The following MAST2 variants were observed in gnomAD, a reference collection of about 807,000 sequenced individuals.
MAST2 encodes the protein microtubule-associated serine/threonine-protein kinase 2.
Under a neutral mutation model 147.4 loss-of-function variants are expected in MAST2, and 70 were observed. The observed-to-expected ratio is 0.47, with a 90% confidence interval of 0.39 to 0.58. The LOEUF (loss-of-function observed/expected upper bound fraction) is 0.58, where lower values mean the gene tolerates loss of function less well. Ranked by LOEUF, MAST2 falls within the 20% of genes least tolerant of loss-of-function variation. The pLI is 0.00. For missense variants in MAST2, 2,080 were observed against 2,302.3 expected, an observed-to-expected ratio of 0.90 and a Z score of 1.98; for synonymous variants, 869 against 896.8, an observed-to-expected ratio of 0.97 and a Z score of 0.55.
In MAST2 at chr1:46,029,241, A is replaced by G. The variant is rs1469879705; in HGVS notation, c.2219-225A>G. The G allele has an allele frequency of 2.2e-5, 12 of 553,806 alleles. No individual in the cohort carries two copies. The South Asian group carries it at 3.1e-4, about 14-fold the overall frequency. The allele number at this position is 553,806 out of a possible 1,614,324, so 34.3% of individuals were successfully genotyped here. A position where few individuals can be genotyped will look rare whatever the true frequency, so the allele number is the denominator to read the frequency against. On this transcript the variant is annotated intron_variant, in intron 18 of 28. Coordinates refer to ENST00000361297, the MANE Select transcript of MAST2 (RefSeq NM_015112.3). ...CGTCTGTGTATGTTTTGTGGAGTATAAAAGCAGGGTGAGCTAGAGCTTTGC... is the reference window on the plus strand; with the variant it reads ...CGTCTGTGTATGTTTTGTGGAGTATGAAAGCAGGGTGAGCTAGAGCTTTGC...
chr1:46,001,075 G>A, intron 6 of MAST2: 2 of 995,982 alleles, frequency 2.0e-6, no homozygotes, highest in South Asian at 2.7e-5. Context: ...AACTGGTTGT[G>A]ATGATTCTTC....
chr1:45,834,736 G>A (rs1469898976), intron 3 of MAST2, among the ~76,000 whole-genome samples: 1 of 152,086 alleles, frequency 6.6e-6, no homozygotes, highest in Non-Finnish European at 1.5e-5. Context: ...AAACATACTG[G>A]AGCCTATGTT....
At chr1:45,851,691 T>C (rs1645628228) in intron 3 of MAST2, among the ~76,000 whole-genome samples, 1 of 152,182 alleles carries the variant, frequency 6.6e-6, no homozygotes, top group Non-Finnish European at 1.5e-5. Flanking sequence ...GTGGATTTTA[T>C]TGAAAGCTTT....
intron 16 of MAST2, 28 bp downstream of exon 16, chr1:46,025,843 C>G: frequency 6.2e-7 from 1 of 1,613,942 alleles, no homozygotes; most frequent in Non-Finnish European, 8.5e-7. Flanking sequence ...GTCCCTTGTC[C>G]AGGGTCTCCC....
intron 5 of MAST2, among the ~76,000 whole-genome samples, chr1:45,982,389 A>G (rs1421129018): frequency 3.9e-5 from 6 of 152,332 alleles, no homozygotes; most frequent in African/African-American, 1.4e-4. Context: ...GGGACTGATC[A>G]CAAGAAAGAC....
chr1:45,866,044 G>C (rs907606060), intron 3 of MAST2, among the ~76,000 whole-genome samples: 5 of 152,020 alleles, frequency 3.3e-5, no homozygotes, highest in African/African-American at 1.2e-4. Context: ...AATACCTAAG[G>C]ATTTTAAAAT....
intron 4 of MAST2, among the ~76,000 whole-genome samples, chr1:45,925,381 G>A (rs578238587): frequency 6.6e-6 from 1 of 152,192 alleles, no homozygotes; most frequent in East Asian, 1.9e-4. Flanking sequence ...TGTGATTTGG[G>A]TTAAATTAAA....
intron 5 of MAST2, among the ~76,000 whole-genome samples, chr1:45,964,808 G>A (rs1419334279): frequency 2.0e-5 from 3 of 152,116 alleles, no homozygotes; most frequent in African/African-American, 4.8e-5. Flanking sequence ...TAATTGTGAT[G>A]TTAGGGTGTC....
intron 12 of MAST2, 109 bp from the exon 13 acceptor site, chr1:46,022,801 G>A: frequency 1.2e-6 from 1 of 820,156 alleles, no homozygotes; most frequent in South Asian, 1.4e-5. Flanking sequence ...CTAGGCTGAT[G>A]CAAAAAGCAT....
intron 11 of MAST2, among the ~76,000 whole-genome samples, chr1:46,020,510 G>A (rs371362567): frequency 5.3e-5 from 8 of 152,090 alleles, no homozygotes; most frequent in East Asian, 1.9e-4. Flanking sequence ...TGACATGGCC[G>A]CATTTACTTT....
chr1:46,007,118 A>C (rs1645519091), intron 8 of MAST2, among the ~76,000 whole-genome samples: 1 of 152,200 alleles, frequency 6.6e-6, no homozygotes, highest in Non-Finnish European at 1.5e-5. Flanking sequence ...CCAGAATTTT[A>C]GGTTAAGGAA....
In MAST2 at chr1:46,034,941, T is replaced by TTC. The variant is rs1646839786; in HGVS notation, c.4275_4276dup (p.Arg1426LeufsTer13). The stretch of plus-strand genomic sequence containing the variant: ...CCGCCTCTGAGAAGAAGCTAGCCAC[T>TTC]TCTCGCAAGCACAGCCTTGACCTGC... On this transcript the variant is annotated frameshift_variant, in exon 29 of 29. Transcript: ENST00000361297. LOFTEE classifies it low-confidence loss of function (END_TRUNC). 1 of 1,613,804 alleles carries TTC rather than the reference T, an allele frequency of 6.2e-7. No individual in the cohort carries two copies. The highest frequency in any genetic ancestry group is 8.5e-7 in the Non-Finnish European group (1 of 1,179,990).
chr1:45,882,321 A>C, intron 3 of MAST2, 43 bp from the exon 4 acceptor site: 1 of 1,487,584 alleles, frequency 6.7e-7, no homozygotes, highest in Non-Finnish European at 9.4e-7. Flanking sequence ...AACAGGACTC[A>C]GATGGGTTCT....
intron 4 of MAST2, among the ~76,000 whole-genome samples, chr1:45,944,616 T>C (rs1207910202): frequency 6.6e-6 from 1 of 152,246 alleles, no homozygotes; most frequent in African/African-American, 2.4e-5. Flanking sequence ...TTACATTAGA[T>C]GATTTAATCT....
intron 1 of MAST2, among the ~76,000 whole-genome samples, chr1:45,822,198 G>A (rs933319780): frequency 2.6e-5 from 4 of 152,032 alleles, no homozygotes; most frequent in African/African-American, 7.3e-5. Flanking sequence ...TATTTTCAGT[G>A]TTTTAATCTT....
At chr1:45,815,583 G>A (rs1283372571) in intron 1 of MAST2, among the ~76,000 whole-genome samples, 1 of 152,120 alleles carries the variant, frequency 6.6e-6, no homozygotes, top group Non-Finnish European at 1.5e-5. Flanking sequence ...GTGTTACCAA[G>A]GTGATTTTTG....
At chr1:46,000,014 A>G (rs1177853042) in intron 6 of MAST2, among the ~76,000 whole-genome samples, 1 of 152,106 alleles carries the variant, frequency 6.6e-6, no homozygotes, top group Non-Finnish European at 1.5e-5. Flanking sequence ...ATGATGCTGC[A>G]TGAAAGAACA....
rs374903653 is a variant in MAST2, at chr1:45,821,062, G to A, written c.178-3371G>A. Among the ~76,000 whole-genome samples the A allele has an allele frequency of 2.0e-5, 3 of 151,776 alleles. No individual in the cohort carries two copies. The East Asian group carries it at 5.8e-4, about 29-fold the overall frequency. On this transcript the variant is annotated intron_variant, in intron 1 of 28. Coordinates refer to ENST00000361297, the MANE Select transcript of MAST2 (RefSeq NM_015112.3). ...CCACAGGTACATGTCACCATGCCCA[G>A]CTAACTTTTATGTGTTTTGCAGAGA...
intron 4 of MAST2, among the ~76,000 whole-genome samples, chr1:45,940,343 A>G (rs1657058335): frequency 6.6e-6 from 1 of 152,018 alleles, no homozygotes; most frequent in African/African-American, 2.4e-5. Context: ...TTCAGCATAC[A>G]AGTCTCATAC....
Sources: allele counts gnomAD v4.1 joint callset (sites outside exome capture counted in the v4.1 genomes callset), GRCh38; gene constraint gnomAD v4.1.1; transcripts MANE v1.5; gene names NCBI Gene and HGNC (gene_info 2026-07-23, HGNC 2026-07-21).